CFAP47: variants seen among roughly 807,000 people sequenced by gnomAD.
CFAP47 encodes the protein cilia- and flagella-associated protein 47.
CFAP47 carries 29 observed loss-of-function variants against 148.1 expected under a neutral mutation model. The ratio of observed to expected loss-of-function variants is 0.20; its 90% confidence interval spans 0.15 to 0.27. CFAP47 has a LOEUF of 0.27. CFAP47 is among the 10% of genes least tolerant of loss of function. The probability of loss-of-function intolerance (pLI) is 1.00; values close to 1 mark genes in which losing one functional copy is unlikely to be tolerated. For missense variants in CFAP47, 1,872 were observed against 1,697.5 expected (o/e 1.10, Z -1.81); for synonymous variants, 664 against 577.3 (o/e 1.15, Z -2.15).
intron 60 of CFAP47, among the ~76,000 whole-genome samples, chrX:36,353,958 C>T (rs991619310): frequency 2.2e-4 from 24 of 111,620 alleles, no homozygotes; most frequent in African/African-American, 7.5e-4. Context: ...ACTATAATTT[C>T]CACTTCCCTC....
At chrX:36,289,487 C>A (rs1941171628) in intron 51 of CFAP47, among the ~76,000 whole-genome samples, 1 of 110,583 alleles carries the variant, frequency 9.0e-6, no homozygotes, top group South Asian at 3.8e-4. Context: ...GAAAAAATAT[C>A]TCATGGTCTA....
intron 3 of CFAP47, 128 bp from the exon 4 acceptor site, chrX:35,948,186 A>T (rs1293273774): frequency 7.9e-6 from 4 of 503,910 alleles, no homozygotes; most frequent in Non-Finnish European, 1.3e-5. Flanking sequence ...CCTGGGCTGC[A>T]TGTGGCCCAT....
chrX:35,924,319 G>A lies in CFAP47; in HGVS notation c.250-1698G>A, dbSNP rs540842748. Reference sequence around the variant, plus strand: ...TGTACACATATGTATATATGTACATGTATGTGTATATGTGTACATATATGT... The same window carrying A: ...TGTACACATATGTATATATGTACATATATGTGTATATGTGTACATATATGT... On this transcript the variant is annotated intron_variant, in intron 1 of 63. Transcript: ENST00000378653. Among the ~76,000 whole-genome samples the A allele has an allele frequency of 2.0e-3, 199 of 101,042 alleles. 9 individuals are homozygous for A. Among genetic ancestry groups the A allele is most frequent in the African/African-American group, 8.3e-3 (194 of 23,284 alleles). 87.7% of individuals were successfully genotyped at this position (101,042 alleles called of 115,157 possible).
chrX:35,939,821 G>C (rs1342834563), intron 2 of CFAP47, among the ~76,000 whole-genome samples: 57 of 98,033 alleles, frequency 5.8e-4, no homozygotes, highest in African/African-American at 1.9e-3. Context: ...GTAATGGGAT[G>C]GCTGGGTCAA....
intron 39 of CFAP47, among the ~76,000 whole-genome samples, chrX:36,178,723 G>A (rs1939715978): frequency 8.9e-6 from 1 of 111,942 alleles, no homozygotes; most frequent in Non-Finnish European, 1.9e-5. Context: ...GGCATCATTT[G>A]TATGCTATTC....
chrX:36,061,289 C>A (rs902091804), intron 26 of CFAP47, among the ~76,000 whole-genome samples: 1 of 111,809 alleles, frequency 8.9e-6, no homozygotes, highest in South Asian at 3.8e-4. Context: ...GTCTATTAAA[C>A]CTTTTTCTTC....
At chrX:36,152,476 A>G (rs1231792348) in intron 37 of CFAP47, among the ~76,000 whole-genome samples, 1 of 111,512 alleles carries the variant, frequency 9.0e-6, no homozygotes, top group Non-Finnish European at 1.9e-5. Context: ...ACCCAGCAGC[A>G]TTTCCCTTTC....
At chrX:35,924,153 A>G (rs182666795) in intron 1 of CFAP47, among the ~76,000 whole-genome samples, 2,344 of 97,039 alleles carry the variant, frequency 0.024, 50 homozygotes, top group Admixed American at 0.04. Context: ...ATGTATGCGT[A>G]CATATATGTA....
At position 35,924,180 on chromosome X, in the gene CFAP47, C is replaced by T. The variant is rs759118811; in HGVS notation, c.250-1837C>T. Among the ~76,000 whole-genome samples, 368 of 93,474 alleles carry T rather than the reference C, an allele frequency of 3.9e-3. 9 individuals carry two copies. The highest frequency in any genetic ancestry group is 0.016 in the African/African-American group (336 of 20,641). The allele number at this position is 93,474 out of a possible 115,157, so 81.2% of individuals were successfully genotyped here. The stretch of plus-strand genomic sequence containing the variant: ...ATATATGTATATATGTACATGTATG[C>T]GTACATGTATGTGTATATATGGACA... On this transcript the variant is annotated intron_variant, in intron 1 of 63. Transcript: ENST00000378653.
intron 25 of CFAP47, among the ~76,000 whole-genome samples, chrX:36,045,036 C>G (rs1019386696): frequency 2.7e-5 from 3 of 111,895 alleles, no homozygotes; most frequent in Non-Finnish European, 5.6e-5. Context: ...TGTACTTCTT[C>G]CTTTCCAACT....
intron 45 of CFAP47, among the ~76,000 whole-genome samples, chrX:36,224,284 A>C (rs1223138278): frequency 9.0e-6 from 1 of 111,336 alleles, no homozygotes; most frequent in Non-Finnish European, 1.9e-5. Context: ...TTAAAAAAAA[A>C]CCTTAAGTTG....
intron 48 of CFAP47, among the ~76,000 whole-genome samples, chrX:36,249,993 G>A (rs1264823109): frequency 1.8e-5 from 2 of 111,116 alleles, no homozygotes; most frequent in African/African-American, 6.5e-5. Context: ...CAGCCATTAC[G>A]ATAAACATTA....
intron 8 of CFAP47, among the ~76,000 whole-genome samples, chrX:35,957,969 C>T (rs1936270849): frequency 9.0e-6 from 1 of 111,528 alleles, no homozygotes; most frequent in Admixed American, 9.6e-5. Context: ...AGATTGCACA[C>T]ATCAGCACTA....
At chrX:35,936,280 A>G (rs1458645850) in intron 2 of CFAP47, among the ~76,000 whole-genome samples, 1 of 111,302 alleles carries the variant, frequency 9.0e-6, no homozygotes, top group Non-Finnish European at 1.9e-5. Context: ...ATCTTCTGTT[A>G]TCTCCATCCT....
At chrX:35,991,581 C>T (rs1936789572) in intron 16 of CFAP47, among the ~76,000 whole-genome samples, 1 of 109,519 alleles carries the variant, frequency 9.1e-6, no homozygotes, top group Non-Finnish European at 1.9e-5. Context: ...AATTATTATA[C>T]CTTGGGTACT....
intron 49 of CFAP47, among the ~76,000 whole-genome samples, chrX:36,268,786 A>T (rs1482571711): frequency 4.5e-5 from 5 of 112,036 alleles, no homozygotes; most frequent in Non-Finnish European, 9.4e-5. Context: ...TTCTCATGTA[A>T]GACATAAGAA....
At chrX:36,301,237 C>T in intron 53 of CFAP47, 58 bp downstream of exon 53, 2 of 644,517 alleles carry the variant, frequency 3.1e-6, no homozygotes, top group South Asian at 5.7e-5. Context: ...TAATCTATTA[C>T]AATGTTGTTA....
At chrX:36,110,877 A>T (rs1409482169) in intron 33 of CFAP47, among the ~76,000 whole-genome samples, 1 of 111,554 alleles carries the variant, frequency 9.0e-6, no homozygotes, top group African/African-American at 3.3e-5. Flanking sequence ...TGTGAATGTG[A>T]TTACATTCCT....
intron 37 of CFAP47, among the ~76,000 whole-genome samples, chrX:36,150,742 G>A (rs1939298364): frequency 9.0e-6 from 1 of 111,027 alleles, no homozygotes; most frequent in African/African-American, 3.3e-5. Context: ...TGCTAAAGGG[G>A]CATATAAAAG....
Sources: allele counts gnomAD v4.1 joint callset (sites outside exome capture counted in the v4.1 genomes callset), GRCh38; gene constraint gnomAD v4.1.1; transcripts MANE v1.5; gene names NCBI Gene and HGNC (gene_info 2026-07-23, HGNC 2026-07-21).